MIB1: variants seen among roughly 807,000 people sequenced by gnomAD.
The protein encoded by MIB1 is MIB E3 ubiquitin protein ligase 1.
Under a neutral mutation model 124.5 loss-of-function variants are expected in MIB1, and 278 were observed. The ratio of observed to expected loss-of-function variants is 2.23; its 90% CI spans 2.02 to 2.47. MIB1 has a LOEUF of 2.47. Ranked by LOEUF, MIB1 falls within the 30% of genes most tolerant of loss-of-function variation. The pLI is 0.00. For synonymous variants in MIB1, 446 were observed against 429.4 expected (o/e 1.04, Z -0.48); for missense variants, 957 against 1,254.4 (o/e 0.76, Z 3.58).
chr18:21,769,741 C>T (rs574143083), intron 3 of MIB1, among the ~76,000 whole-genome samples: 1 of 152,310 alleles, frequency 6.6e-6, no homozygotes, highest in South Asian at 2.1e-4. Flanking sequence ...TGGAAGTCAT[C>T]TTTCCTCATC....
intron 10 of MIB1, 27 bp from the exon 11 acceptor site, chr18:21,815,589 A>G (rs1024183006): frequency 6.3e-7 from 1 of 1,581,150 alleles, no homozygotes. Flanking sequence ...AATATTCACT[A>G]ATTCACATTT....
intron 12 of MIB1, among the ~76,000 whole-genome samples, chr18:21,823,680 G>T (rs73963257): frequency 0.03 from 4,560 of 152,246 alleles, 227 homozygotes; most frequent in African/African-American, 0.1. Context: ...TTCACTATGA[G>T]ACCCTGAGTA....
chr18:21,798,278 C>T, intron 8 of MIB1, 50 bp downstream of exon 8: 1 of 1,571,546 alleles, frequency 6.4e-7, no homozygotes, highest in Non-Finnish European at 8.7e-7. Context: ...TACATTAAAA[C>T]CTTTGCTAAT....
intron 10 of MIB1, among the ~76,000 whole-genome samples, chr18:21,807,774 C>G (rs2041725458): frequency 6.6e-6 from 1 of 152,140 alleles, no homozygotes; most frequent in South Asian, 2.1e-4. Flanking sequence ...TGCAGATGCA[C>G]TTAGATTTGT....
chr18:21,739,413 G>C (rs1046857824), upstream of MIB1, among the ~76,000 whole-genome samples: 1 of 152,120 alleles, frequency 6.6e-6, no homozygotes, highest in African/African-American at 2.4e-5. Flanking sequence ...CAGAAAAAGA[G>C]GGAATCCTCC....
At chr18:21,757,042 T>A (rs926064801) in intron 1 of MIB1, among the ~76,000 whole-genome samples, 2 of 152,146 alleles carry the variant, frequency 1.3e-5, no homozygotes, top group African/African-American at 4.8e-5. Flanking sequence ...TCCTACATAA[T>A]CCTTTAGCAG....
intron 12 of MIB1, among the ~76,000 whole-genome samples, chr18:21,834,075 T>G (rs1360373654): frequency 6.6e-6 from 1 of 152,168 alleles, no homozygotes; most frequent in African/African-American, 2.4e-5. Flanking sequence ...CTTAACAGTC[T>G]CCTCTTAATT....
At chr18:21,768,188 A>AG (rs2041185335) in intron 2 of MIB1, among the ~76,000 whole-genome samples, 1 of 152,216 alleles carries the variant, frequency 6.6e-6, no homozygotes, top group Non-Finnish European at 1.5e-5. Context: ...ACAATAGTGA[A>AG]GAGTATAGTG....
At position 21,835,840 on chromosome 18, in the gene MIB1, A is replaced by ACACACACACACACACACAAACAC. The variant is rs1555695330; in HGVS notation, c.1830-2525_1830-2524insCACACACACACACACACAAACAC. Among the ~76,000 whole-genome samples the ACACACACACACACACACAAACAC allele has an allele frequency of 1.4e-3, 146 of 108,060 alleles. 1 individual carries two copies. Among genetic ancestry groups the ACACACACACACACACACAAACAC allele is most frequent in the African/African-American group, 2.1e-3 (60 of 28,008 alleles). 70.9% of individuals were successfully genotyped at this position (108,060 alleles called of 152,430 possible). Reference sequence around the variant, plus strand: ...ACACACACACACACACACACACACAAACACACACGAGGAGTATTGGGAAAG... The same window carrying ACACACACACACACACACAAACAC: ...ACACACACACACACACACACACACAACACACACACACACACACAAACACACACACACGAGGAGTATTGGGAAAG... On this transcript the variant is annotated intron_variant, in intron 12 of 20. Coordinates refer to ENST00000261537, the MANE Select transcript of MIB1 (RefSeq NM_020774.4).
In MIB1 at chr18:21,864,897, G is replaced by GAT; in HGVS notation, c.*233_*234dup. On this transcript the variant is annotated 3_prime_UTR_variant, in exon 21 of 21. Coordinates refer to ENST00000261537, the MANE Select transcript of MIB1 (RefSeq NM_020774.4). ...AACATCAAATTCATGTAACTCATAG[G>GAT]ATAATTTACCTTTGGCTTCTAAGAG... is the stretch of plus-strand genomic sequence containing the variant. 2 of 355,048 alleles carry GAT rather than the reference G, an allele frequency of 5.6e-6. No individual in the cohort carries two copies. Among genetic ancestry groups the GAT allele is most frequent in the Non-Finnish European group, 1.0e-5 (2 of 199,464 alleles). 22.0% of individuals were successfully genotyped at this position (355,048 alleles called of 1,614,324 possible).
intron 1 of MIB1, among the ~76,000 whole-genome samples, chr18:21,728,754 G>C (rs564617340): frequency 6.6e-6 from 1 of 152,232 alleles, no homozygotes; most frequent in African/African-American, 2.4e-5. Context: ...TATCAAATCA[G>C]GGTAATTAGC....
intron 1 of MIB1, among the ~76,000 whole-genome samples, chr18:21,743,763 T>A (rs1414199308): frequency 3.9e-5 from 6 of 152,240 alleles, no homozygotes; most frequent in Non-Finnish European, 8.8e-5. Flanking sequence ...ATTGTAGCTT[T>A]ATGAGGAAAT....
intron 6 of MIB1, among the ~76,000 whole-genome samples, chr18:21,782,226 G>A (rs892981012): frequency 1.3e-5 from 2 of 152,014 alleles, no homozygotes; most frequent in African/African-American, 4.8e-5. Flanking sequence ...GGGTTCAAAC[G>A]GTTCTCCTGC....
intron 1 of MIB1, 141 bp from the exon 2 acceptor site, chr18:21,765,631 A>G: frequency 1.4e-6 from 1 of 727,244 alleles, no homozygotes; most frequent in Non-Finnish European, 2.2e-6. Context: ...TTGAAGCTAT[A>G]TGTGTTAAAT....
chr18:21,712,399 G>T (rs2040669657), intron 1 of MIB1, among the ~76,000 whole-genome samples: 1 of 152,126 alleles, frequency 6.6e-6, no homozygotes, highest in Admixed American at 6.6e-5. Flanking sequence ...AGATAGCAAA[G>T]GTAATGGGAT....
chr18:21,859,384 C>T (rs1270757074), intron 20 of MIB1, among the ~76,000 whole-genome samples: 4 of 128,128 alleles, frequency 3.1e-5, no homozygotes, highest in Non-Finnish European at 7.2e-5. Context: ...CAGAGTGAGA[C>T]CCCATCTCAA....
chr18:21,751,379 A>G (rs1476790424), intron 1 of MIB1, among the ~76,000 whole-genome samples: 2 of 152,002 alleles, frequency 1.3e-5, no homozygotes, highest in Non-Finnish European at 2.9e-5. Context: ...TCCTGCCTCA[A>G]CCCTGCAAGT....
intron 20 of MIB1, among the ~76,000 whole-genome samples, chr18:21,863,796 A>G (rs1387990018): frequency 2.0e-5 from 3 of 152,178 alleles, no homozygotes; most frequent in South Asian, 2.1e-4. Context: ...ACGAGGTCAG[A>G]AGATCAAGAC....
intron 19 of MIB1, among the ~76,000 whole-genome samples, 161 bp downstream of exon 19, chr18:21,857,404 A>G (rs1049769673): frequency 6.6e-6 from 1 of 152,242 alleles, no homozygotes; most frequent in African/African-American, 2.4e-5. Flanking sequence ...TTATTATATT[A>G]TAAGAAACCT....
Sources: allele counts gnomAD v4.1 joint callset (sites outside exome capture counted in the v4.1 genomes callset), GRCh38; gene constraint gnomAD v4.1.1; transcripts MANE v1.5; gene names NCBI Gene and HGNC (gene_info 2026-07-23, HGNC 2026-07-21).